NTSR1: variants seen among roughly 807,000 people sequenced by gnomAD.
The protein encoded by NTSR1 is neurotensin receptor type 1.
Under a neutral mutation model 31.2 loss-of-function variants are expected in NTSR1, and 29 were observed. The ratio of observed to expected loss-of-function variants is 0.93; its 90% CI spans 0.69 to 1.27. The LOEUF is 1.27. NTSR1 is among the 50% of genes most tolerant of loss of function. The pLI is 0.00. For synonymous variants in NTSR1, 282 were observed against 269.9 expected (o/e 1.04, Z -0.44); for missense variants, 697 against 595.4 (o/e 1.17, Z -1.78).
chr20:62,741,263 C>T lies in NTSR1; in HGVS notation c.715-13422C>T, dbSNP rs1285868467. Among the ~76,000 whole-genome samples the T allele has an allele frequency of 6.6e-6, 1 of 152,102 alleles. No individual in the cohort carries two copies. Among genetic ancestry groups the T allele is most frequent in the East Asian group, 1.9e-4 (1 of 5,142 alleles). ...TCAGCCGGGCACAGACAGGATGTGG[C>T]TTCCAGGGGCTTCTGTTCTGCCAAG... On this transcript the variant is annotated intron_variant, in intron 1 of 3. Coordinates refer to ENST00000370501, the MANE Select transcript of NTSR1 (RefSeq NM_002531.3). This position sits in a 1 kb window ranked among gnomAD's most constrained non-coding sequence, Gnocchi z 4.3.
intron 1 of NTSR1, among the ~76,000 whole-genome samples, chr20:62,724,582 G>A (rs1988874923): frequency 6.6e-6 from 1 of 152,242 alleles, no homozygotes; most frequent in South Asian, 2.1e-4. Flanking sequence ...CCAGCGGGGT[G>A]GAGATCTGTG....
rs756042008 is a variant in NTSR1 at position 62,709,570 on chromosome 20, C to G, written c.363C>G (p.Pro121=). The G allele has an allele frequency of 7.4e-6, 12 of 1,611,768 alleles. No homozygotes were observed. The highest frequency in any genetic ancestry group is 4.5e-5 in the East Asian group (2 of 44,872). The change falls in exon 1 of 4, where the codon CCC becomes CCG. Residue 121 remains proline, a synonymous_variant. Coordinates refer to ENST00000370501, the MANE Select transcript of NTSR1 (RefSeq NM_002531.3). ...TGCTCACCCTGCTGCTGGCCATGCC[C>G]GTGGAGCTGTACAACTTCATCTGGG... ...SDLLTLLLAM[P]VELYNFIWVH...
chr20:62,736,867 T>C (rs1600727475), intron 1 of NTSR1, among the ~76,000 whole-genome samples: 2 of 152,168 alleles, frequency 1.3e-5, no homozygotes, highest in Non-Finnish European at 2.9e-5. Context: ...GTGGGGGCGG[T>C]TCCCCCAGGC....
rs988713724 is a variant in NTSR1, at chr20:62,714,137, A to G, written c.714+4216A>G. Reference sequence around the variant, plus strand: ...AGAAGTTCTTCAAGGGGTCCTTAGGAACAGCCTGCTCCACTCTGACCTCCC... The same window carrying G: ...AGAAGTTCTTCAAGGGGTCCTTAGGGACAGCCTGCTCCACTCTGACCTCCC... On this transcript the variant is annotated intron_variant, in intron 1 of 3. Coordinates refer to ENST00000370501, the MANE Select transcript of NTSR1 (RefSeq NM_002531.3). The surrounding 1 kb of genome is among the most constrained non-coding windows in gnomAD (Gnocchi z 4.1). Among the ~76,000 whole-genome samples, 10 of 152,148 alleles carry G rather than the reference A, an allele frequency of 6.6e-5. No homozygotes were observed. The highest frequency in any genetic ancestry group is 2.4e-4 in the African/African-American group (10 of 41,428).
At chr20:62,724,726 C>T (rs1006000307) in intron 1 of NTSR1, among the ~76,000 whole-genome samples, 1 of 152,204 alleles carries the variant, frequency 6.6e-6, no homozygotes, top group Non-Finnish European at 1.5e-5. Flanking sequence ...ATGTGTCCTC[C>T]GTGGCTCTGG....
At position 62,708,988 on chromosome 20, in the gene NTSR1, C is replaced by T. The variant is rs965028537; in HGVS notation, c.-220C>T. ...AACCACGGGTTCTGGAGCTAGGAGC[C>T]GGAAGCTGGGAGTCCGGAGGAGAGC... On this transcript the variant is annotated 5_prime_UTR_variant, in exon 1 of 4. Coordinates refer to ENST00000370501, the MANE Select transcript of NTSR1 (RefSeq NM_002531.3). The surrounding 1 kb of genome is among the most constrained non-coding windows in gnomAD (Gnocchi z 5.9). 4.2e-4 allele frequency: 183 copies of T among 439,146 alleles called. 1 individual carries two copies. Among genetic ancestry groups the T allele is most frequent in the African/African-American group, 3.5e-3 (172 of 48,466 alleles). The allele number at this position is 439,146 out of a possible 1,614,324, so 27.2% of individuals were successfully genotyped here.
intron 1 of NTSR1, among the ~76,000 whole-genome samples, chr20:62,728,573 C>T (rs1404338292): frequency 6.6e-6 from 1 of 152,214 alleles, no homozygotes; most frequent in East Asian, 1.9e-4. Flanking sequence ...AAAGTGGAGG[C>T]CGTTTGTGGT....
chr20:62,730,279 G>A (rs1480132919), intron 1 of NTSR1, among the ~76,000 whole-genome samples: 1 of 152,000 alleles, frequency 6.6e-6, no homozygotes, highest in African/African-American at 2.4e-5. Flanking sequence ...ACAACCCCTG[G>A]CACCCACTGA....
chr20:62,745,878 G>C lies in NTSR1; in HGVS notation c.715-8807G>C, dbSNP rs1453790222. Among the ~76,000 whole-genome samples the C allele has an allele frequency of 6.6e-6, 1 of 152,206 alleles. No individual in the cohort carries two copies. Among genetic ancestry groups the C allele is most frequent in the Non-Finnish European group, 1.5e-5 (1 of 68,032 alleles). On this transcript the variant is annotated intron_variant, in intron 1 of 3. Transcript: ENST00000370501. This position sits in a 1 kb window ranked among gnomAD's most constrained non-coding sequence, Gnocchi z 4.1. The stretch of plus-strand genomic sequence containing the variant: ...GTCCCCCAGAATATTCATGGGGCTG[G>C]GCCAGGTGACTCCCTGCTCTCTTTA...
Position 62,709,220 on chromosome 20 carries a change from A to G in NTSR1, c.13A>G (p.Ser5Gly), listed in dbSNP as rs889912554. 3.4e-6 allele frequency: 5 copies of G among 1,473,420 alleles called. No homozygotes were observed. The East Asian group carries it at 1.3e-4, about 38-fold the overall frequency. The allele number at this position is 1,473,420 out of a possible 1,614,324, so 91.3% of individuals were successfully genotyped here. A position where few individuals can be genotyped will look rare whatever the true frequency, so the allele number is the denominator to read the frequency against. ...TCCAGCGCCCACCATGCGCCTCAAC[A>G]GCTCCGCGCCGGGAACCCCGGGCAC... is the stretch of plus-strand genomic sequence containing the variant. MRLNSSAPGTPGTPA... is the reference protein window; with the variant it reads MRLNGSAPGTPGTPA... The change falls in exon 1 of 4, where the codon AGC becomes GGC. Residue 5 changes from serine (S) to glycine (G), a missense_variant. Ser to Gly is a moderately conservative substitution (Grantham distance 56). Coordinates refer to ENST00000370501, the MANE Select transcript of NTSR1 (RefSeq NM_002531.3).
intron 3 of NTSR1, among the ~76,000 whole-genome samples, chr20:62,759,741 C>CT (rs1318205762): frequency 2.7e-5 from 4 of 146,092 alleles, no homozygotes; most frequent in African/African-American, 1.0e-4. Flanking sequence ...CGCCACTGTA[C>CT]TCCAGCCTGG....
chr20:62,749,180 G>A (rs564393258), intron 1 of NTSR1, among the ~76,000 whole-genome samples: 5 of 152,236 alleles, frequency 3.3e-5, no homozygotes, highest in East Asian at 3.9e-4. Context: ...GGTGGCTCAC[G>A]CCTATAATCC....
chr20:62,722,340 G>C (rs1304321220), intron 1 of NTSR1, among the ~76,000 whole-genome samples: 3 of 152,176 alleles, frequency 2.0e-5, no homozygotes, highest in African/African-American at 7.2e-5. Flanking sequence ...TTGCTCTAGG[G>C]CTTCTCCATC....
intron 1 of NTSR1, among the ~76,000 whole-genome samples, chr20:62,720,506 A>G (rs1399119251): frequency 6.6e-6 from 1 of 152,102 alleles, no homozygotes; most frequent in Non-Finnish European, 1.5e-5. Flanking sequence ...CATTTCTAAT[A>G]TTGGTAATCT....
intron 2 of NTSR1, among the ~76,000 whole-genome samples, chr20:62,755,837 CCCTCCCTCCATCCAT>C (rs1989502076): frequency 1.4e-5 from 1 of 68,982 alleles, no homozygotes; most frequent in African/African-American, 6.3e-5. Flanking sequence ...ATCCATCCCT[CCCTCCCTCCATCCAT>C]CCTCCCTCCC....
rs1425217067 is a variant in NTSR1 at position 62,708,987 on chromosome 20, C to T, written c.-221C>T. 1 of 438,310 alleles carries T rather than the reference C, an allele frequency of 2.3e-6. No homozygotes were observed. Among genetic ancestry groups the T allele is most frequent in the South Asian group, 5.9e-5 (1 of 17,062 alleles). 27.2% of individuals were successfully genotyped at this position (438,310 alleles called of 1,614,324 possible). A position where few individuals can be genotyped will look rare whatever the true frequency, so the allele number is the denominator to read the frequency against. ...GAACCACGGGTTCTGGAGCTAGGAG[C>T]CGGAAGCTGGGAGTCCGGAGGAGAG... On this transcript the variant is annotated 5_prime_UTR_variant, in exon 1 of 4. Transcript: ENST00000370501. This position sits in a 1 kb window ranked among gnomAD's most constrained non-coding sequence, Gnocchi z 5.9.
chr20:62,708,960 A>T lies in NTSR1; in HGVS notation c.-248A>T, dbSNP rs1988529107. 1 of 411,830 alleles carries T rather than the reference A, an allele frequency of 2.4e-6. No homozygotes were observed. The highest frequency in any genetic ancestry group is 4.3e-6 in the Non-Finnish European group (1 of 234,698). 25.5% of individuals were successfully genotyped at this position (411,830 alleles called of 1,614,324 possible). A position where few individuals can be genotyped will look rare whatever the true frequency, so the allele number is the denominator to read the frequency against. ...AAGCGCCGAGCCGGGAGACAGCCCG[A>T]GGAACCACGGGTTCTGGAGCTAGGA... is the stretch of plus-strand genomic sequence containing the variant. On this transcript the variant is annotated 5_prime_UTR_variant, in exon 1 of 4. Transcript: ENST00000370501. This position sits in a 1 kb window ranked among gnomAD's most constrained non-coding sequence, Gnocchi z 5.9.
Position 62,711,384 on chromosome 20 carries a change from C to G in NTSR1, c.714+1463C>G, listed in dbSNP as rs923848791. Among the ~76,000 whole-genome samples the G allele has an allele frequency of 7.9e-5, 12 of 152,166 alleles. No individual in the cohort carries two copies. The highest frequency in any genetic ancestry group is 2.9e-4 in the African/African-American group (12 of 41,442). ...CCCTCCCTTTGAGGCTTTATCTGCT[C>G]TCCCCAAGCTCCTGTCTTTGATTGG... On this transcript the variant is annotated intron_variant, in intron 1 of 3. Coordinates refer to ENST00000370501, the MANE Select transcript of NTSR1 (RefSeq NM_002531.3). This position sits in a 1 kb window ranked among gnomAD's most constrained non-coding sequence, Gnocchi z 6.4.
At position 62,760,275 on chromosome 20, in the gene NTSR1, G is replaced by A. The variant is rs761511271; in HGVS notation, c.*8G>A. 99 of 1,595,594 alleles carry A rather than the reference G, an allele frequency of 6.2e-5. No individual in the cohort carries two copies. The highest frequency in any genetic ancestry group is 8.9e-5 in the South Asian group (8 of 89,954). The stretch of plus-strand genomic sequence containing the variant: ...CGCGAGACGCTGTACTAGGCTGTGC[G>A]CCCCGGAACGTGTCCAGGAGGAGCC... On this transcript the variant is annotated 3_prime_UTR_variant, in exon 4 of 4. Transcript: ENST00000370501.
Sources: allele counts gnomAD v4.1 joint callset (sites outside exome capture counted in the v4.1 genomes callset), GRCh38; gene constraint gnomAD v4.1.1; non-coding constraint Gnocchi (gnomAD v3.1); transcripts MANE v1.5; gene names NCBI Gene and HGNC (gene_info 2026-07-23, HGNC 2026-07-21).